Variants in GPN1 observed in about 807,000 individuals in gnomAD.
The protein encoded by GPN1 is GPN-loop GTPase 1.
A neutral mutation model predicts 55.9 loss-of-function variants in GPN1; 44 were observed. The ratio of observed to expected loss-of-function variants is 0.79; its 90% CI spans 0.62 to 1.01. GPN1 has a LOEUF of 1.01. Among genes scored for constraint, GPN1 ranks in the 50% least tolerant of loss-of-function variants. GPN1 has a pLI of 0.00. For missense variants in GPN1, 466 were observed against 462.8 expected (o/e 1.01, Z -0.06); for synonymous variants, 179 against 162.5 (o/e 1.10, Z -0.77).
At chr2:27,638,772 C>A in intron 8 of GPN1, 113 bp from the exon 9 acceptor site, 2 of 827,112 alleles carry the variant, frequency 2.4e-6, no homozygotes, top group African/African-American at 1.7e-5. Flanking sequence ...GAAATAGAAG[C>A]AGAGAAAGAA....
At chr2:27,629,225 C>A in intron 1 of GPN1, 56 bp downstream of exon 1, 3 of 1,579,072 alleles carry the variant, frequency 1.9e-6, no homozygotes, top group South Asian at 2.2e-5. Flanking sequence ...CTCCGGCAGG[C>A]GGAAGGCCAG....
chr2:27,628,393 C>T (rs1330684055), upstream of GPN1: 1 of 1,550,728 alleles, frequency 6.4e-7, no homozygotes, highest in Middle Eastern at 1.7e-4. Context: ...TACCTACTTG[C>T]ACCTGGAATC....
At chr2:27,628,351 C>A (rs776711396), upstream of GPN1, 1 of 1,503,454 alleles carries the variant, frequency 6.7e-7, no homozygotes, top group Non-Finnish European at 8.9e-7. Flanking sequence ...GAGGGACCTT[C>A]AGTGACTGGA....
chr2:27,650,266 GTTC>G lies in GPN1; in HGVS notation c.*69_*71del, dbSNP rs1237398380. On this transcript the variant is annotated 3_prime_UTR_variant, in exon 14 of 14. Coordinates refer to ENST00000610189, the MANE Select transcript of GPN1 (RefSeq NM_007266.4). ...TTTTGGACCTCCACGTGAAAGAACT[GTTC>G]TTACCTCTGAACTGGGGGCTCCCAT... 1 of 884,114 alleles carries G rather than the reference GTTC, an allele frequency of 1.1e-6. No homozygotes were observed. Among genetic ancestry groups the G allele is most frequent in the African/African-American group, 1.7e-5 (1 of 60,144 alleles). The allele number at this position is 884,114 out of a possible 1,614,324, so 54.8% of individuals were successfully genotyped here. A position where few individuals can be genotyped will look rare whatever the true frequency, so the allele number is the denominator to read the frequency against.
intron 10 of GPN1, among the ~76,000 whole-genome samples, chr2:27,640,676 G>C (rs905449781): frequency 2.0e-4 from 30 of 152,302 alleles, no homozygotes; most frequent in Non-Finnish European, 2.2e-4. Context: ...AAGAAAAGTG[G>C]AGTCAGAGCC....
chr2:27,642,730 A>G (rs770330325), intron 12 of GPN1, among the ~76,000 whole-genome samples: 2 of 151,720 alleles, frequency 1.3e-5, no homozygotes, highest in Admixed American at 6.6e-5. Flanking sequence ...ACACCCGGCT[A>G]ATTTTGTATT....
At chr2:27,630,964 CT>C in intron 2 of GPN1, 62 bp from the exon 3 acceptor site, 2 of 815,306 alleles carry the variant, frequency 2.5e-6, no homozygotes, top group Non-Finnish European at 4.3e-6. Context: ...GCCAGTTTTA[CT>C]TTCCTGGTGG....
intron 6 of GPN1, 71 bp from the exon 7 acceptor site, chr2:27,635,069 A>G (rs571666168): frequency 9.5e-6 from 10 of 1,057,848 alleles, no homozygotes; most frequent in Non-Finnish European, 8.9e-6. Context: ...CTTGTTAAGG[A>G]TGGTGGAAAA....
intron 7 of GPN1, among the ~76,000 whole-genome samples, chr2:27,637,351 G>A (rs938868787): frequency 3.5e-4 from 54 of 152,120 alleles, no homozygotes; most frequent in Non-Finnish European, 7.1e-4. Flanking sequence ...GTTGGGTTTT[G>A]CTGTCTCTGG....
intron 12 of GPN1, among the ~76,000 whole-genome samples, chr2:27,646,257 G>T (rs552973357): frequency 2.6e-5 from 4 of 152,244 alleles, no homozygotes; most frequent in Non-Finnish European, 5.9e-5. Flanking sequence ...GGCCAGGCTG[G>T]TCTTGAACTC....
Position 27,642,362 on chromosome 2 carries a change from T to A in GPN1, c.841-67T>A, listed in dbSNP as rs1033693930. ...TATTTGTATAATTCTTCATCTCCAC[T>A]GAGAAGTCTGGCATCTAATTTGGGA... is the stretch of plus-strand genomic sequence containing the variant. On this transcript the variant is annotated intron_variant, in intron 11 of 13. Coordinates refer to ENST00000610189, the MANE Select transcript of GPN1 (RefSeq NM_007266.4). 21 of 915,642 alleles carry A rather than the reference T, an allele frequency of 2.3e-5. No homozygotes were observed. Among genetic ancestry groups the A allele is most frequent in the Non-Finnish European group, 3.8e-5 (21 of 552,762 alleles). The allele number at this position is 915,642 out of a possible 1,614,324, so 56.7% of individuals were successfully genotyped here. A position where few individuals can be genotyped will look rare whatever the true frequency, so the allele number is the denominator to read the frequency against.
chr2:27,639,905 T>G, intron 9 of GPN1, 138 bp from the exon 10 acceptor site: 2 of 697,304 alleles, frequency 2.9e-6, no homozygotes, highest in Non-Finnish European at 5.1e-6. Context: ...TGTTCTTTTT[T>G]AGCCTGGCTT....
Position 27,640,032 on chromosome 2 carries a change from C to G in GPN1, c.718-11C>G. ...GGTTTCTTTAGTGGCATTTATGATG[C>G]TTTTTGGCAGGTGGTGGGTGTCTCT... On this transcript the variant is annotated splice_polypyrimidine_tract_variant and intron_variant, in intron 9 of 13. Coordinates refer to ENST00000610189, the MANE Select transcript of GPN1 (RefSeq NM_007266.4). 6.3e-7 allele frequency: 1 copy of G among 1,580,078 alleles called. No individual in the cohort carries two copies. Among genetic ancestry groups the G allele is most frequent in the Middle Eastern group, 1.7e-4 (1 of 6,012 alleles).
chr2:27,630,255 C>G (rs886598596), intron 2 of GPN1, among the ~76,000 whole-genome samples: 6 of 152,164 alleles, frequency 3.9e-5, no homozygotes, highest in Non-Finnish European at 7.4e-5. Context: ...CCACTGCACT[C>G]CAGCCTGGTC....
chr2:27,639,087 T>C (rs1251782193), intron 9 of GPN1, 56 bp downstream of exon 9: 4 of 1,396,916 alleles, frequency 2.9e-6, no homozygotes, highest in Non-Finnish European at 3.9e-6. Context: ...TGTTAACCCA[T>C]AGGATTGGCT....
chr2:27,641,360 T>C (rs1673942947), intron 11 of GPN1, 81 bp downstream of exon 11: 3 of 988,268 alleles, frequency 3.0e-6, no homozygotes, highest in African/African-American at 3.2e-5. Context: ...AGTGCTTTTG[T>C]TTTGGTTATT....
rs2148071562 is a variant in GPN1 at position 27,638,903 on chromosome 2, A to C, written c.589A>C (p.Ser197Arg). The change falls in exon 9 of 14, where the codon AGC (serine) becomes CGC (arginine). Residue 197 changes from serine to arginine, a missense_variant. Ser to Arg is a moderately radical substitution (Grantham distance 110). Transcript: ENST00000610189. ...VMNKTDIIDH[S>R]FAVEWMQDFE... ...GGTACAGACTGACATCATTGACCAC[A>C]GCTTTGCAGTGGAATGGATGCAGGA... 1.9e-6 allele frequency: 3 copies of C among 1,613,598 alleles called. No homozygotes were observed. Among genetic ancestry groups the C allele is most frequent in the Middle Eastern group, 1.7e-4 (1 of 6,020 alleles).
intron 11 of GPN1, among the ~76,000 whole-genome samples, chr2:27,641,509 A>T (rs978473306): frequency 6.6e-6 from 1 of 152,138 alleles, no homozygotes; most frequent in African/African-American, 2.4e-5. Flanking sequence ...TGGGTGCGGA[A>T]AGTCTCCTTA....
chr2:27,636,663 C>T (rs1237006208), intron 7 of GPN1, among the ~76,000 whole-genome samples: 5 of 151,788 alleles, frequency 3.3e-5, no homozygotes, highest in South Asian at 2.1e-4. Flanking sequence ...TTAGTAGAGT[C>T]GGGGTTTCAC....
Sources: allele counts gnomAD v4.1 joint callset (sites outside exome capture counted in the v4.1 genomes callset), GRCh38; gene constraint gnomAD v4.1.1; transcripts MANE v1.5; gene names NCBI Gene and HGNC (gene_info 2026-07-23, HGNC 2026-07-21).